Variants in CELF2 observed in about 807,000 individuals in gnomAD.
The protein encoded by CELF2 is CUGBP Elav-like family member 2, also known as CUG triplet repeat RNA-binding protein 2.
Under a neutral mutation model 62.6 loss-of-function variants are expected in CELF2, and 8 were observed. That is an observed-to-expected ratio of 0.13 (90% CI 0.07 to 0.23). The LOEUF is 0.23. Ranked by LOEUF, CELF2 falls within the 10% of genes least tolerant of loss-of-function variation. The probability of loss-of-function intolerance (pLI) is 1.00; values close to 1 mark genes in which losing one functional copy is unlikely to be tolerated. For missense variants in CELF2, 333 were observed against 671.0 expected, an observed-to-expected ratio of 0.50 and a Z score of 5.56; for synonymous variants, 258 against 250.0, an observed-to-expected ratio of 1.03 and a Z score of -0.30.
At chr10:10,812,424 C>T (rs912005821) in intron 1 of CELF2, among the ~76,000 whole-genome samples, 2 of 152,246 alleles carry the variant, frequency 1.3e-5, no homozygotes, top group African/African-American at 4.8e-5. Context: ...GGGGACACAG[C>T]CAAACCATAT....
rs182212617 is a variant in CELF2 at position 10,873,966 on chromosome 10, T to C, written c.54-45998T>C. On this transcript the variant is annotated intron_variant, in intron 1 of 13. Transcript: ENST00000636488. ...ATTGGGATGCTGCTAACTTAGTCTC[T>C]GTATTTGCCCTATATCTAGTTGATG... 1.3e-4 allele frequency among the ~76,000 whole-genome samples: 20 copies of C among 152,348 alleles called. No individual in the cohort carries two copies. The East Asian group carries it at 3.9e-3, about 29-fold the overall frequency.
rs1490530146 is a variant in CELF2 at position 11,315,793 on chromosome 10, G to A, written c.1096+1535G>A. ...CCTCACTGCCTTGACCCCCATTTCC[G>A]GTACAGCTCCTCGCTCTGACCTTGT... On this transcript the variant is annotated intron_variant, in intron 10 of 12. Coordinates refer to ENST00000633077, the MANE Select transcript of CELF2 (RefSeq NM_001326342.2). This position sits in a 1 kb window ranked among gnomAD's most constrained non-coding sequence, Gnocchi z 5.8. Among the ~76,000 whole-genome samples, 2 of 152,158 alleles carry A rather than the reference G, an allele frequency of 1.3e-5. No individual in the cohort carries two copies. Among genetic ancestry groups the A allele is most frequent in the Non-Finnish European group, 2.9e-5 (2 of 68,028 alleles).
chr10:11,027,947 G>C (rs138478526), intron 1 of CELF2, among the ~76,000 whole-genome samples: 3 of 152,144 alleles, frequency 2.0e-5, no homozygotes, highest in Non-Finnish European at 2.9e-5. Context: ...AAAACTGGCC[G>C]CAAGTTCCCC....
At chr10:10,989,086 G>C (rs913443960) in intron 2 of CELF2, among the ~76,000 whole-genome samples, 2 of 152,136 alleles carry the variant, frequency 1.3e-5, no homozygotes, top group African/African-American at 4.8e-5. Flanking sequence ...AAAACATTAA[G>C]TCCTCGCAGA....
the CELF2 span, among the ~76,000 whole-genome samples, chr10:10,464,093 T>C: frequency 6.6e-6 from 1 of 152,150 alleles, no homozygotes; most frequent in Non-Finnish European, 1.5e-5. Flanking sequence ...TGTCGCTCTA[T>C]ATTTAACAGC....
At chr10:10,800,180 A>T (rs2131490786) in intron 1 of CELF2, among the ~76,000 whole-genome samples, 3 of 152,316 alleles carry the variant, frequency 2.0e-5, no homozygotes, top group East Asian at 3.9e-4. Flanking sequence ...TTCTTTTTAA[A>T]AAGTACTGCA....
chr10:10,949,959 C>A (rs2048140236), intron 2 of CELF2, among the ~76,000 whole-genome samples: 1 of 152,088 alleles, frequency 6.6e-6, no homozygotes, highest in Admixed American at 6.6e-5. Flanking sequence ...TGGAACTTTG[C>A]CTTTTTCAAT....
the CELF2 span, among the ~76,000 whole-genome samples, chr10:10,683,793 G>C: frequency 7.2e-4 from 109 of 152,238 alleles, no homozygotes; most frequent in African/African-American, 2.5e-3. Flanking sequence ...ATTAATATTA[G>C]GATTAGCCTC....
At chr10:10,671,026 G>T in the CELF2 span, among the ~76,000 whole-genome samples, 2 of 151,950 alleles carry the variant, frequency 1.3e-5, no homozygotes, top group South Asian at 4.2e-4. Flanking sequence ...CATTAGCCAG[G>T]CACGGTGGCA....
chr10:10,465,965 C>G, the CELF2 span, among the ~76,000 whole-genome samples: 3 of 152,084 alleles, frequency 2.0e-5, no homozygotes, highest in African/African-American at 7.2e-5. Context: ...AAAATTGCAA[C>G]AGAATAGTGA....
At chr10:10,595,334 C>T in the CELF2 span, among the ~76,000 whole-genome samples, 1 of 151,860 alleles carries the variant, frequency 6.6e-6, no homozygotes, top group African/African-American at 2.4e-5. Flanking sequence ...GAATCCTCAC[C>T]CTGTAAGGCT....
chr10:11,085,956 C>T (rs563460597), intron 1 of CELF2, among the ~76,000 whole-genome samples: 139 of 152,148 alleles, frequency 9.1e-4, no homozygotes, highest in Non-Finnish European at 1.5e-3. Flanking sequence ...CTGAGGAAAG[C>T]GACAGTACCA....
intron 3 of CELF2, among the ~76,000 whole-genome samples, chr10:11,225,589 T>C (rs530940196): frequency 7.9e-5 from 12 of 152,232 alleles, no homozygotes; most frequent in Non-Finnish European, 1.5e-4. Context: ...GGCATCTGCT[T>C]TCCTCTCTGG....
rs1389208454 is a variant in CELF2, at chr10:10,957,823, T to C, written c.89+37824T>C. On this transcript the variant is annotated intron_variant, in intron 2 of 13. Coordinates refer to the CELF2 transcript ENST00000636488. The surrounding 1 kb of genome is among the most constrained non-coding windows in gnomAD (Gnocchi z 4.1). The stretch of plus-strand genomic sequence containing the variant: ...GTTTTCCCCATCTTCCTAATTGGGA[T>C]CACATTCTCTGCTAAGTCTTCTTCT... 6.6e-6 allele frequency among the ~76,000 whole-genome samples: 1 copy of C among 152,218 alleles called. No individual in the cohort carries two copies. The highest frequency in any genetic ancestry group is 1.9e-4 in the East Asian group (1 of 5,196).
rs1050714949 is a variant in CELF2, at chr10:11,099,567, C to T, written c.75-65919C>T. ...CTCATGAGCATAGAATTCCCGATTT[C>T]CTTCTGTTTCCACTTCTGATGAGTT... On this transcript the variant is annotated intron_variant, in intron 1 of 12. Coordinates refer to ENST00000633077, the MANE Select transcript of CELF2 (RefSeq NM_001326342.2). Among the ~76,000 whole-genome samples the T allele has an allele frequency of 2.2e-4, 34 of 152,108 alleles. 1 individual carries two copies. The highest frequency in any genetic ancestry group is 4.4e-5 in the Non-Finnish European group (3 of 68,028).
chr10:11,024,676 C>G (rs902009451), intron 1 of CELF2, among the ~76,000 whole-genome samples: 17 of 152,158 alleles, frequency 1.1e-4, no homozygotes, highest in Non-Finnish European at 2.2e-4. Flanking sequence ...CTCAGTGAGA[C>G]TGTATGCAGT....
Position 10,938,180 on chromosome 10 carries a change from G to A in CELF2, c.89+18181G>A, listed in dbSNP as rs2046631851. On this transcript the variant is annotated intron_variant, in intron 2 of 13. Coordinates refer to the CELF2 transcript ENST00000636488. The surrounding 1 kb of genome is among the most constrained non-coding windows in gnomAD (Gnocchi z 4.2). Reference sequence around the variant, plus strand: ...TTTAGTGAAAAGCCAGCTGTTCTTTGTTTTCTAATGGGCATGTGATGTTGA... The same window carrying A: ...TTTAGTGAAAAGCCAGCTGTTCTTTATTTTCTAATGGGCATGTGATGTTGA... Among the ~76,000 whole-genome samples the A allele has an allele frequency of 6.6e-6, 1 of 152,158 alleles. No homozygotes were observed. The highest frequency in any genetic ancestry group is 1.5e-5 in the Non-Finnish European group (1 of 68,006).
chr10:10,880,599 A>C (rs1437938866), intron 1 of CELF2, among the ~76,000 whole-genome samples: 1 of 152,162 alleles, frequency 6.6e-6, no homozygotes, highest in African/African-American at 2.4e-5. Flanking sequence ...TGTTGAGCAT[A>C]TGGATTTTAC....
At chr10:10,683,258 C>A in the CELF2 span, among the ~76,000 whole-genome samples, 5 of 152,172 alleles carry the variant, frequency 3.3e-5, no homozygotes, top group East Asian at 9.6e-4. Context: ...TTCTTTTCCT[C>A]CTCCACTTAG....
Sources: allele counts gnomAD v4.1 joint callset (sites outside exome capture counted in the v4.1 genomes callset), GRCh38; gene constraint gnomAD v4.1.1; non-coding constraint Gnocchi (gnomAD v3.1); transcripts MANE v1.5; gene names NCBI Gene and HGNC (gene_info 2026-07-23, HGNC 2026-07-21).